Variants in XPO6 observed in about 807,000 individuals in gnomAD.
XPO6 encodes the protein exportin 6, also known as exportin-6.
XPO6 carries 3 observed loss-of-function variants against 130.0 expected under a neutral mutation model. That is an observed-to-expected ratio of 0.02 (90% CI 0.01 to 0.06). The LOEUF (loss-of-function observed/expected upper bound fraction) is 0.06. Among genes scored for constraint, XPO6 ranks in the 10% least tolerant of loss-of-function variants. XPO6 has a pLI of 1.00. For missense variants in XPO6, 970 were observed against 1,393.0 expected (o/e 0.70, Z 4.83); for synonymous variants, 524 against 548.9 (o/e 0.95, Z 0.63).
intron 9 of XPO6, among the ~76,000 whole-genome samples, chr16:28,140,473 A>AT (rs1405141346): frequency 5.3e-5 from 8 of 152,166 alleles, no homozygotes; most frequent in African/African-American, 1.9e-4. Flanking sequence ...AGGTCATGAG[A>AT]TTGAGACCAA....
chr16:28,115,951 T>G (rs1048035683), intron 15 of XPO6, among the ~76,000 whole-genome samples: 1 of 152,228 alleles, frequency 6.6e-6, no homozygotes, highest in Non-Finnish European at 1.5e-5. Context: ...TCCTCACCTC[T>G]CTCAGCCTTC....
Position 28,101,759 on chromosome 16 carries a change from G to T in XPO6, c.3046-71C>A. 4 of 1,583,612 alleles carry T rather than the reference G, an allele frequency of 2.5e-6. No homozygotes were observed. The highest frequency in any genetic ancestry group is 3.4e-6 in the Non-Finnish European group (4 of 1,159,922). On this transcript the variant is annotated intron_variant, in intron 22 of 23. Transcript: ENST00000304658. The surrounding 1 kb of genome is among the most constrained non-coding windows in gnomAD (Gnocchi z 5.4). ...CTGTCCCGGGTCCCATCCACTTTCT[G>T]TCACACTCTCCAGTGAGTAACCTGA...
intron 20 of XPO6, chr16:28,105,701 C>T (rs1317800795): frequency 4.9e-6 from 1 of 205,096 alleles, no homozygotes; most frequent in African/African-American, 2.3e-5. Context: ...CTTGTATCCT[C>T]GAGACCATGA....
intron 9 of XPO6, 64 bp downstream of exon 9, chr16:28,146,030 T>C (rs28379290): frequency 1 from 1,292,813 of 1,292,824 alleles, 646,401 homozygotes; most frequent in Middle Eastern, 1. Flanking sequence ...CATGGCTGTC[T>C]CTTAGGCCAC....
intron 9 of XPO6, 116 bp downstream of exon 9, chr16:28,145,978 A>G (rs2042975628): frequency 2.8e-6 from 2 of 706,620 alleles, no homozygotes; most frequent in Non-Finnish European, 4.9e-6. Flanking sequence ...ATTATTGCCT[A>G]AACAGCTTAC....
chr16:28,211,347 G>A lies in XPO6; in HGVS notation c.3+19C>T, dbSNP rs76406515. On this transcript the variant is annotated intron_variant, in intron 1 of 23. Coordinates refer to ENST00000304658, the MANE Select transcript of XPO6 (RefSeq NM_015171.4). The stretch of plus-strand genomic sequence containing the variant: ...CGGTAGGGCACCCCAGGAGGGAAGG[G>A]GGCTCCAATTCCACTTACCATGCTG... The A allele has an allele frequency of 4.2e-3, 5,522 of 1,312,428 alleles. 79 individuals carry two copies. The African/African-American group carries it at 0.049, about 12-fold the overall frequency. The allele number at this position is 1,312,428 out of a possible 1,614,324, so 81.3% of individuals were successfully genotyped here.
chr16:28,130,609 C>T (rs1423721), intron 12 of XPO6, among the ~76,000 whole-genome samples: 87,447 of 152,042 alleles, frequency 0.58, 27,497 homozygotes, highest in South Asian at 0.72. Context: ...TTTTTCTGGC[C>T]TGGGAGGTTT....
At chr16:28,143,816 T>C (rs952432263) in intron 9 of XPO6, among the ~76,000 whole-genome samples, 1 of 152,280 alleles carries the variant, frequency 6.6e-6, no homozygotes, top group South Asian at 2.1e-4. Flanking sequence ...TTTGTGTTTT[T>C]AGTAGAGACA....
chr16:28,120,542 A>G (rs762272738), intron 14 of XPO6, among the ~76,000 whole-genome samples: 13 of 152,196 alleles, frequency 8.5e-5, no homozygotes, highest in Non-Finnish European at 1.9e-4. Context: ...ATTTCAGTCA[A>G]TCTAGCACAT....
intron 13 of XPO6, among the ~76,000 whole-genome samples, chr16:28,122,420 AAGAC>A (rs1289820140): frequency 2.6e-5 from 4 of 152,106 alleles, no homozygotes; most frequent in African/African-American, 9.7e-5. Flanking sequence ...CCAGGAGTTC[AAGAC>A]CAGCCTGGAC....
At chr16:28,177,964 A>G (rs1475168988) in intron 2 of XPO6, among the ~76,000 whole-genome samples, 1 of 152,202 alleles carries the variant, frequency 6.6e-6, no homozygotes, top group Non-Finnish European at 1.5e-5. Context: ...CTGTCCACAC[A>G]TCACGTTGGT....
chr16:28,192,862 T>A (rs1174709742), intron 1 of XPO6, among the ~76,000 whole-genome samples: 2 of 152,118 alleles, frequency 1.3e-5, no homozygotes, highest in African/African-American at 2.4e-5. Context: ...CAGGTTTGTT[T>A]TCTCTAATGG....
chr16:28,185,464 A>G (rs2043679041), intron 1 of XPO6, among the ~76,000 whole-genome samples: 2 of 152,150 alleles, frequency 1.3e-5, no homozygotes, highest in Non-Finnish European at 2.9e-5. Flanking sequence ...GTAATAGTCT[A>G]TTTCTTTATC....
At chr16:28,133,181 C>T (rs1439886008) in intron 11 of XPO6, among the ~76,000 whole-genome samples, 1 of 152,086 alleles carries the variant, frequency 6.6e-6, no homozygotes, top group Admixed American at 6.5e-5. Flanking sequence ...ACTAAAAATA[C>T]AAAAAGTTAG....
chr16:28,149,921 A>G (rs2043056503), intron 8 of XPO6, among the ~76,000 whole-genome samples: 1 of 152,216 alleles, frequency 6.6e-6, no homozygotes, highest in Non-Finnish European at 1.5e-5. Flanking sequence ...GTAAGATCAT[A>G]CTTGTTAGTG....
At chr16:28,190,908 G>A (rs1256486705) in intron 1 of XPO6, among the ~76,000 whole-genome samples, 4 of 118,400 alleles carry the variant, frequency 3.4e-5, no homozygotes, top group Non-Finnish European at 5.6e-5. Context: ...TGCAAATAAC[G>A]TTAACAGGAC....
chr16:28,140,341 T>C (rs2042866320), intron 9 of XPO6, among the ~76,000 whole-genome samples: 1 of 150,568 alleles, frequency 6.6e-6, no homozygotes, highest in South Asian at 2.1e-4. Context: ...TCCAAAGAAA[T>C]TAGAAAATAT....
At chr16:28,142,610 G>A (rs945741787) in intron 9 of XPO6, among the ~76,000 whole-genome samples, 4 of 152,066 alleles carry the variant, frequency 2.6e-5, no homozygotes, top group South Asian at 2.1e-4. Flanking sequence ...TTGCTCTGTC[G>A]CCCAGGCTGG....
intron 15 of XPO6, among the ~76,000 whole-genome samples, chr16:28,116,588 TC>T (rs1338778295): frequency 6.6e-6 from 1 of 152,158 alleles, no homozygotes; most frequent in Non-Finnish European, 1.5e-5. Context: ...ATGTGACTCT[TC>T]CTTTCACTCG....
Sources: allele counts gnomAD v4.1 joint callset (sites outside exome capture counted in the v4.1 genomes callset), GRCh38; gene constraint gnomAD v4.1.1; non-coding constraint Gnocchi (gnomAD v3.1); transcripts MANE v1.5; gene names NCBI Gene and HGNC (gene_info 2026-07-23, HGNC 2026-07-21).